Variants in SWT1 observed in about 807,000 individuals in gnomAD.
SWT1 encodes SWT1 RNA endoribonuclease homolog, also known as transcriptional protein SWT1.
SWT1 carries 33 observed loss-of-function variants against 107.3 expected under a neutral mutation model. The observed-to-expected ratio is 0.31, with a 90% CI of 0.23 to 0.41. SWT1 has a LOEUF of 0.41. Among genes scored for constraint, SWT1 ranks in the 10% least tolerant of loss-of-function variants. The pLI is 1.00. For synonymous variants in SWT1, 345 were observed against 348.3 expected (o/e 0.99, Z 0.11); for missense variants, 898 against 1,028.9 (o/e 0.87, Z 1.74).
At chr1:185,193,902 C>T (rs1657169163) in intron 10 of SWT1, among the ~76,000 whole-genome samples, 1 of 152,186 alleles carries the variant, frequency 6.6e-6, no homozygotes, top group Admixed American at 6.5e-5. Flanking sequence ...CTATGGCTTT[C>T]TGTTGTGGTA....
rs1558005447 is a variant in SWT1 at position 185,166,652 on chromosome 1, GGTGA to G, written c.165+4_165+7del. Reference sequence around the variant, plus strand: ...CAGTTTCATCAGAAAAGAGAAAACTGGTGAGTGTCTAGATATAACTAACTAAAAG... The same window carrying G: ...CAGTTTCATCAGAAAAGAGAAAACTGGTGTCTAGATATAACTAACTAAAAG... On this transcript the variant is annotated splice_donor_variant and splice_donor_region_variant and intron_variant, in intron 3 of 18. Transcript: ENST00000367500. LOFTEE classifies it high-confidence loss of function. The G allele has an allele frequency of 1.2e-5, 19 of 1,572,282 alleles. No individual in the cohort carries two copies. The East Asian group carries it at 3.8e-4, about 32-fold the overall frequency.
At chr1:185,263,313 C>T (rs892582369) in intron 16 of SWT1, 1 of 152,042 alleles carries the variant, frequency 6.6e-6, no homozygotes, top group Admixed American at 6.5e-5. Flanking sequence ...TTTGAGGAAA[C>T]TCAGAGTGTT....
At chr1:185,257,978 G>A (rs1662737008) in intron 16 of SWT1, 1 of 151,944 alleles carries the variant, frequency 6.6e-6, no homozygotes, top group South Asian at 2.1e-4. Context: ...ACTGGTTGTG[G>A]TCAATTAGTT....
chr1:185,202,938 CA>C (rs1443758693), intron 11 of SWT1, 139 bp downstream of exon 11: 3 of 451,774 alleles, frequency 6.6e-6, no homozygotes, highest in Non-Finnish European at 1.1e-5. Context: ...GCATGTAAGT[CA>C]TTGAATAAAT....
chr1:185,271,474 A>G, intron 17 of SWT1, 85 bp downstream of exon 17: 1 of 691,394 alleles, frequency 1.4e-6, no homozygotes, highest in East Asian at 2.8e-5. Flanking sequence ...GTTCTCAAAC[A>G]TAGTGGAATG....
chr1:185,206,596 A>G lies in SWT1; in HGVS notation c.1834-29A>G, dbSNP rs893111199. ...AATAATTGGAATAATAAATCTAGAGATGTTAATTTTTTTCTACATACTCTT... is the reference window on the plus strand; with the variant it reads ...AATAATTGGAATAATAAATCTAGAGGTGTTAATTTTTTTCTACATACTCTT... On this transcript the variant is annotated intron_variant, in intron 12 of 18. Coordinates refer to ENST00000367500, the MANE Select transcript of SWT1 (RefSeq NM_017673.7). 7 of 1,363,218 alleles carry G rather than the reference A, an allele frequency of 5.1e-6. No homozygotes were observed. The African/African-American group carries it at 7.4e-5, about 14-fold the overall frequency. The allele number at this position is 1,363,218 out of a possible 1,614,324, so 84.4% of individuals were successfully genotyped here.
chr1:185,184,138 C>T (rs923683037), intron 7 of SWT1, 105 bp from the exon 8 acceptor site: 7 of 592,756 alleles, frequency 1.2e-5, no homozygotes, highest in Admixed American at 3.6e-5. Context: ...GACAAAGAGG[C>T]GTTTTAAATT....
chr1:185,269,769 A>C (rs899177325), intron 16 of SWT1, among the ~76,000 whole-genome samples: 1 of 152,200 alleles, frequency 6.6e-6, no homozygotes, highest in Non-Finnish European at 1.5e-5. Context: ...ACTACAGATG[A>C]TTTCCAACTT....
At chr1:185,216,230 C>T (rs1203122045) in intron 14 of SWT1, among the ~76,000 whole-genome samples, 11 of 151,936 alleles carry the variant, frequency 7.2e-5, no homozygotes, top group Non-Finnish European at 1.6e-4. Flanking sequence ...TTGAGATGAC[C>T]AAAACATTGG....
chr1:185,228,080 G>C (rs1333718327), intron 15 of SWT1, among the ~76,000 whole-genome samples: 1 of 150,852 alleles, frequency 6.6e-6, no homozygotes, highest in Non-Finnish European at 1.5e-5. Context: ...GACAGAGTGA[G>C]ACCCTATCTC....
At chr1:185,200,866 A>G (rs1046776707) in intron 10 of SWT1, among the ~76,000 whole-genome samples, 3 of 152,144 alleles carry the variant, frequency 2.0e-5, no homozygotes, top group African/African-American at 7.2e-5. Flanking sequence ...AGCTTCCCCC[A>G]GGTGCTCTGT....
intron 16 of SWT1, among the ~76,000 whole-genome samples, chr1:185,252,986 C>T (rs1221559826): frequency 1.4e-5 from 2 of 141,898 alleles, no homozygotes; most frequent in Admixed American, 1.4e-4. Flanking sequence ...GATCCAGTTT[C>T]AGCTTTCTAC....
At chr1:185,200,107 C>G (rs1027546357) in intron 10 of SWT1, among the ~76,000 whole-genome samples, 37 of 151,878 alleles carry the variant, frequency 2.4e-4, no homozygotes, top group African/African-American at 9.0e-4. Context: ...GGTCATTTAT[C>G]TTTTTCTCCG....
intron 16 of SWT1, among the ~76,000 whole-genome samples, chr1:185,249,977 A>T (rs1030939482): frequency 2.0e-5 from 3 of 152,198 alleles, no homozygotes; most frequent in African/African-American, 7.2e-5. Context: ...TACTTTTACC[A>T]GAACAATCCT....
chr1:185,256,540 A>G (rs1662542657), intron 16 of SWT1, among the ~76,000 whole-genome samples: 1 of 147,746 alleles, frequency 6.8e-6, no homozygotes, highest in African/African-American at 2.6e-5. Flanking sequence ...TTCATCTTCC[A>G]TTGCTGATAC....
Position 185,271,670 on chromosome 1 carries a change from C to T in SWT1, c.2508+281C>T, listed in dbSNP as rs1360478534. 1.3e-5 allele frequency among the ~76,000 whole-genome samples: 2 copies of T among 152,064 alleles called. 1 individual carries two copies. Among genetic ancestry groups the T allele is most frequent in the Admixed American group, 1.3e-4 (2 of 15,272 alleles). The stretch of plus-strand genomic sequence containing the variant: ...AACATATCAGCTATCTCACAGTTAA[C>T]CCTTTTTGTGTATGTGACAAGAGCA... On this transcript the variant is annotated intron_variant, in intron 17 of 18. Transcript: ENST00000367500.
intron 16 of SWT1, among the ~76,000 whole-genome samples, chr1:185,249,693 G>C (rs1558073891): frequency 6.6e-6 from 1 of 152,048 alleles, no homozygotes; most frequent in African/African-American, 2.4e-5. Context: ...TGTTCCAAAA[G>C]GGGAACACAG....
chr1:185,198,541 C>T (rs987165824), intron 10 of SWT1, among the ~76,000 whole-genome samples: 2 of 152,112 alleles, frequency 1.3e-5, no homozygotes, highest in South Asian at 4.1e-4. Flanking sequence ...GTTAAAGTCT[C>T]CCACTATTAT....
intron 13 of SWT1, among the ~76,000 whole-genome samples, chr1:185,207,340 C>T (rs1383191724): frequency 6.6e-6 from 1 of 152,206 alleles, no homozygotes; most frequent in African/African-American, 2.4e-5. Context: ...AGTGCCTCTG[C>T]TGCCACAGAT....
Sources: gnomAD v4.1 joint callset for allele counts (sites outside exome capture counted in the v4.1 genomes callset) on GRCh38, gnomAD v4.1.1 for gene constraint, MANE v1.5 for transcripts, NCBI Gene and HGNC (gene_info 2026-07-23, HGNC 2026-07-21) for gene names.